The following DNAH9 variants were observed in gnomAD, a reference collection of about 807,000 sequenced individuals.
The protein encoded by DNAH9 is dynein axonemal heavy chain 9.
Under a neutral mutation model 471.6 loss-of-function variants are expected in DNAH9, and 345 were observed. The observed-to-expected ratio is 0.73, with a 90% confidence interval of 0.67 to 0.80. DNAH9 has a LOEUF of 0.80. Among genes scored for constraint, DNAH9 ranks in the 30% least tolerant of loss-of-function variants. The pLI is 0.00. For synonymous variants in DNAH9, 2,093 were observed against 2,123.6 expected, an observed-to-expected ratio of 0.99 and a Z score of 0.40; for missense variants, 5,407 against 5,609.2, an observed-to-expected ratio of 0.96 and a Z score of 1.15.
intron 67 of DNAH9, among the ~76,000 whole-genome samples, chr17:11,952,227 C>A (rs1415374852): frequency 6.9e-6 from 1 of 145,626 alleles, no homozygotes; most frequent in Admixed American, 6.9e-5. Flanking sequence ...GCAACCTCTA[C>A]CTTCTAGGTT....
At chr17:11,616,102 A>G (rs1156399733) in intron 4 of DNAH9, among the ~76,000 whole-genome samples, 1 of 152,194 alleles carries the variant, frequency 6.6e-6, no homozygotes, top group Non-Finnish European at 1.5e-5. Context: ...TCAATGTAAT[A>G]AACTCTGGGT....
intron 46 of DNAH9, 124 bp downstream of exon 46, chr17:11,822,186 C>A: frequency 8.4e-7 from 1 of 1,192,030 alleles, no homozygotes; most frequent in Non-Finnish European, 1.2e-6. Flanking sequence ...GTGCGGCACC[C>A]TTCTCAGCCT....
chr17:11,818,204 G>A (rs549817844), intron 45 of DNAH9, among the ~76,000 whole-genome samples: 2 of 152,292 alleles, frequency 1.3e-5, no homozygotes, highest in Admixed American at 1.3e-4. Context: ...GCCGAGGCAG[G>A]CGGATCACAA....
chr17:11,746,152 G>A (rs2075520918), intron 31 of DNAH9, among the ~76,000 whole-genome samples: 1 of 152,192 alleles, frequency 6.6e-6, no homozygotes, highest in African/African-American at 2.4e-5. Context: ...TGAGTGAGGA[G>A]GTAGTACTAG....
Position 11,781,148 on chromosome 17 carries a change from C to T in DNAH9, c.7692C>T (p.Ile2564=), listed in dbSNP as rs1968652153. The T allele has an allele frequency of 6.2e-7, 1 of 1,614,152 alleles. No homozygotes were observed. Among genetic ancestry groups the T allele is most frequent in the East Asian group, 2.2e-5 (1 of 44,860 alleles). Residue 2564 remains isoleucine, a synonymous_variant, in exon 39 of 69, where the codon ATC becomes ATT. Transcript: ENST00000262442. ...GGACGGTGCAGCCCCACACCATCAT[C>T]CGGCAGCATCTGGACTATGGCCACT... ...AYGTVQPHTI[I]RQHLDYGHWY... is the part of the protein sequence containing the mutation.
chr17:11,969,512 G>C lies in DNAH9; in HGVS notation c.13446G>C (p.Leu4482Phe). 6.2e-7 allele frequency: 1 copy of C among 1,612,356 alleles called. No homozygotes were observed. Among genetic ancestry groups the C allele is most frequent in the South Asian group, 1.1e-5 (1 of 90,844 alleles). Residue 4482 changes from leucine (L) to phenylalanine (F), a missense_variant, in exon 69 of 69, where the codon TTG becomes TTC. Leu to Phe is a conservative substitution (Grantham distance 22). Around this residue, in one of 3 missense-constraint regions of DNAH9, gnomAD observed 4,636 missense variants for 4,900.3 expected, o/e 0.95. Coordinates refer to ENST00000262442, the MANE Select transcript of DNAH9 (RefSeq NM_001372.4). Reference protein sequence around the residue: ...PSKWVLAGVALLLQI With the variant: ...PSKWVLAGVAFLLQI ...AGTGGGTTCTGGCTGGAGTAGCCTTGCTTCTCCAGATTTAGCATCCTGCAG... is the reference window on the plus strand; with the variant it reads ...AGTGGGTTCTGGCTGGAGTAGCCTTCCTTCTCCAGATTTAGCATCCTGCAG...
intron 43 of DNAH9, among the ~76,000 whole-genome samples, chr17:11,800,407 C>G (rs1321521939): frequency 6.6e-6 from 1 of 151,942 alleles, no homozygotes; most frequent in Non-Finnish European, 1.5e-5. Context: ...TCTCTCTCCC[C>G]TCTTTTATCT....
intron 14 of DNAH9, among the ~76,000 whole-genome samples, chr17:11,660,782 T>G (rs2073746831): frequency 6.6e-6 from 1 of 152,240 alleles, no homozygotes; most frequent in African/African-American, 2.4e-5. Flanking sequence ...GGGAATTTTC[T>G]GAGACTTGTT....
In DNAH9 at chr17:11,607,320, C is replaced by T. The variant is rs1003268651; in HGVS notation, c.418-809C>T. On this transcript the variant is annotated intron_variant, in intron 1 of 68. Transcript: ENST00000262442. ...AGTTTTTCAGTCAACATACTCACAG[C>T]CCAGAAGAGGACACTGAGCCATGCA... 2.6e-5 allele frequency among the ~76,000 whole-genome samples: 4 copies of T among 152,266 alleles called. No individual in the cohort carries two copies. The East Asian group carries it at 7.7e-4, about 29-fold the overall frequency.
rs906322043 is a variant in DNAH9 at position 11,942,824 on chromosome 17, A to C, written c.12843+339A>C. ...AATTACTGTTCACTCCGATGACAGG[A>C]AATGGAAGCTCTTGCTGCCTTTGAG... On this transcript the variant is annotated intron_variant, in intron 67 of 68. Transcript: ENST00000262442. 3.3e-5 allele frequency among the ~76,000 whole-genome samples: 5 copies of C among 152,130 alleles called. No individual in the cohort carries two copies. The East Asian group carries it at 9.6e-4, about 29-fold the overall frequency.
intron 1 of DNAH9, among the ~76,000 whole-genome samples, 191 bp from the exon 2 acceptor site, chr17:11,607,938 G>C (rs60882439): frequency 6.6e-6 from 1 of 152,266 alleles, no homozygotes; most frequent in East Asian, 1.9e-4. Context: ...TTGTAAGCAG[G>C]CTATTCAAGG....
At chr17:11,701,678 G>GT (rs1009585677) in intron 24 of DNAH9, among the ~76,000 whole-genome samples, 11 of 141,176 alleles carry the variant, frequency 7.8e-5, no homozygotes, top group African/African-American at 2.7e-4. Context: ...GTTTTGTTTT[G>GT]TTTTTTGTTT....
chr17:11,819,369 A>G (rs2150937728), intron 45 of DNAH9, among the ~76,000 whole-genome samples: 1 of 152,280 alleles, frequency 6.6e-6, no homozygotes, highest in Non-Finnish European at 1.5e-5. Flanking sequence ...TTTTTTATCA[A>G]TATTGAATTA....
chr17:11,874,497 G>A (rs556518484), intron 52 of DNAH9, among the ~76,000 whole-genome samples: 14 of 152,300 alleles, frequency 9.2e-5, no homozygotes, highest in African/African-American at 3.4e-4. Flanking sequence ...AAACAGAGGA[G>A]AGGAAAGAGT....
chr17:11,828,589 A>T (rs887547458), intron 48 of DNAH9, among the ~76,000 whole-genome samples: 1 of 152,114 alleles, frequency 6.6e-6, no homozygotes, highest in African/African-American at 2.4e-5. Flanking sequence ...GTAGCACACT[A>T]GACCAGCACT....
At chr17:11,703,474 G>T (rs2074639816) in intron 24 of DNAH9, among the ~76,000 whole-genome samples, 1 of 152,108 alleles carries the variant, frequency 6.6e-6, no homozygotes, top group Admixed American at 6.6e-5. Context: ...CATCTAGAGT[G>T]GTGTCCCCCA....
intron 43 of DNAH9, among the ~76,000 whole-genome samples, chr17:11,806,543 TCA>T (rs1412049101): frequency 1.3e-5 from 2 of 151,808 alleles, no homozygotes; most frequent in Non-Finnish European, 2.9e-5. Context: ...AGGGAAACAA[TCA>T]CAGTATATTG....
intron 68 of DNAH9, among the ~76,000 whole-genome samples, chr17:11,965,803 C>T (rs573956422): frequency 6.6e-6 from 1 of 151,968 alleles, no homozygotes; most frequent in Admixed American, 6.5e-5. Flanking sequence ...AAAGTAGAAA[C>T]TCTGGATTTG....
intron 24 of DNAH9, among the ~76,000 whole-genome samples, chr17:11,702,615 T>A (rs2074620781): frequency 6.6e-6 from 1 of 152,180 alleles, no homozygotes; most frequent in Non-Finnish European, 1.5e-5. Context: ...GAAACAGTAA[T>A]CATGGAAACC....
Sources: gnomAD v4.1 joint callset for allele counts (sites outside exome capture counted in the v4.1 genomes callset) on GRCh38, gnomAD v4.1.1 for gene constraint, gnomAD v4.1.1 regional missense constraint, MANE v1.5 for transcripts, NCBI Gene and HGNC (gene_info 2026-07-23, HGNC 2026-07-21) for gene names.